Variants in BMPR1B observed in about 807,000 individuals in gnomAD.
BMPR1B encodes the protein bone morphogenetic protein receptor type 1B.
Under a neutral mutation model 59.1 loss-of-function variants are expected in BMPR1B, and 12 were observed. That is an observed-to-expected ratio of 0.20 (90% CI 0.13 to 0.33). The LOEUF (loss-of-function observed/expected upper bound fraction) is 0.33. Among genes scored for constraint, BMPR1B ranks in the 10% least tolerant of loss-of-function variants. BMPR1B has a pLI of 1.00. For missense variants in BMPR1B, 550 were observed against 610.9 expected (o/e 0.90, Z 1.05); for synonymous variants, 237 against 207.3 (o/e 1.14, Z -1.23).
chr4:94,904,779 A>C (rs1727976455), intron 2 of BMPR1B, among the ~76,000 whole-genome samples: 1 of 152,040 alleles, frequency 6.6e-6, no homozygotes, highest in South Asian at 2.1e-4. Flanking sequence ...ACTTTTTAGC[A>C]TTGGCTTGCT....
chr4:95,048,055 G>C (rs1726174737), intron 3 of BMPR1B, among the ~76,000 whole-genome samples: 1 of 152,068 alleles, frequency 6.6e-6, no homozygotes, highest in Admixed American at 6.6e-5. Flanking sequence ...TGCAATAATA[G>C]GGATACATCT....
At chr4:94,855,510 T>A (rs1397204525) in intron 1 of BMPR1B, among the ~76,000 whole-genome samples, 1 of 152,196 alleles carries the variant, frequency 6.6e-6, no homozygotes, top group Non-Finnish European at 1.5e-5. Flanking sequence ...GAAAAGCTCT[T>A]CCCATCTCTT....
chr4:95,119,714 A>T (rs1000359854), intron 6 of BMPR1B, among the ~76,000 whole-genome samples: 2 of 152,090 alleles, frequency 1.3e-5, no homozygotes, highest in Non-Finnish European at 2.9e-5. Context: ...GTGTTTTCAG[A>T]TGGAGATTAC....
At chr4:95,024,664 G>A (rs1338177033) in intron 3 of BMPR1B, among the ~76,000 whole-genome samples, 1 of 152,192 alleles carries the variant, frequency 6.6e-6, no homozygotes, top group Admixed American at 6.5e-5. Flanking sequence ...CATCCCTGGA[G>A]TGTTGATATA....
At chr4:94,915,711 G>C (rs974438973) in intron 2 of BMPR1B, among the ~76,000 whole-genome samples, 10 of 152,284 alleles carry the variant, frequency 6.6e-5, no homozygotes, top group African/African-American at 2.4e-4. Flanking sequence ...GCTTGTTTGT[G>C]TATGTGTACA....
At chr4:94,927,093 C>T (rs1267933182) in intron 2 of BMPR1B, among the ~76,000 whole-genome samples, 1 of 152,114 alleles carries the variant, frequency 6.6e-6, no homozygotes, top group East Asian at 1.9e-4. Flanking sequence ...ACAACTAGTG[C>T]AAGTCACAGG....
At chr4:94,959,459 A>T (rs1730274219) in intron 2 of BMPR1B, among the ~76,000 whole-genome samples, 1 of 152,148 alleles carries the variant, frequency 6.6e-6, no homozygotes, top group Non-Finnish European at 1.5e-5. Flanking sequence ...GGATGGACTC[A>T]TTGGTAATCC....
intron 1 of BMPR1B, among the ~76,000 whole-genome samples, chr4:94,797,343 GA>G: frequency 6.6e-6 from 1 of 152,256 alleles, no homozygotes; most frequent in East Asian, 1.9e-4. Flanking sequence ...GTGTAAGAGA[GA>G]AATATAACTT....
chr4:94,927,988 G>A (rs866959312), intron 2 of BMPR1B, among the ~76,000 whole-genome samples: 1 of 152,086 alleles, frequency 6.6e-6, no homozygotes, highest in African/African-American at 2.4e-5. Context: ...TCTCTGGAAT[G>A]TTGGTTATTT....
intron 2 of BMPR1B, among the ~76,000 whole-genome samples, chr4:94,981,951 C>G (rs1432331580): frequency 6.6e-6 from 1 of 152,172 alleles, no homozygotes; most frequent in Non-Finnish European, 1.5e-5. Flanking sequence ...CTTAAGAACA[C>G]AGAGAACACA....
At chr4:94,807,198 G>A (rs1325890383) in intron 1 of BMPR1B, among the ~76,000 whole-genome samples, 8 of 152,050 alleles carry the variant, frequency 5.3e-5, no homozygotes. Context: ...AGGCTCAAGC[G>A]ATCCTCCCAC....
chr4:95,061,513 CAT>C (rs542842255), intron 3 of BMPR1B, among the ~76,000 whole-genome samples: 36 of 152,078 alleles, frequency 2.4e-4, no homozygotes, highest in East Asian at 7.8e-4. Context: ...TGTAAACAAA[CAT>C]GTGTACAACC....
chr4:94,894,605 C>CT (rs1331134388), intron 2 of BMPR1B, among the ~76,000 whole-genome samples: 2 of 151,902 alleles, frequency 1.3e-5, no homozygotes, highest in Non-Finnish European at 2.9e-5. Flanking sequence ...TGAGAATACT[C>CT]TATTTTGCAT....
At chr4:95,024,695 C>T (rs1428090296) in intron 3 of BMPR1B, among the ~76,000 whole-genome samples, 1 of 151,972 alleles carries the variant, frequency 6.6e-6, no homozygotes, top group Non-Finnish European at 1.5e-5. Context: ...ACAATAAATA[C>T]AAAAACAAAG....
Position 95,155,380 on chromosome 4 carries a change from A to G in BMPR1B, c.*707A>G, listed in dbSNP as rs919608557. ...AGGTTTATGTGACTCTAATAGAAGT[A>G]ATTGTTGATAGGTGTTCTTCAGATC... On this transcript the variant is annotated 3_prime_UTR_variant, in exon 13 of 13. Coordinates refer to ENST00000515059, the MANE Select transcript of BMPR1B (RefSeq NM_001203.3). 1 of 150,072 alleles carries G rather than the reference A, an allele frequency of 6.7e-6. No homozygotes were observed. Among genetic ancestry groups the G allele is most frequent in the Non-Finnish European group, 1.5e-5 (1 of 67,766 alleles). The allele number at this position is 150,072 out of a possible 1,614,324, so 9.3% of individuals were successfully genotyped here.
Position 94,789,899 on chromosome 4 carries a change from A to G in BMPR1B, c.-183+31831A>G, listed in dbSNP as rs367586106. Among the ~76,000 whole-genome samples, 190 of 152,266 alleles carry G rather than the reference A, an allele frequency of 1.2e-3. 2 individuals carry two copies. In the South Asian group the frequency reaches 0.031, roughly 25 times the overall value. On this transcript the variant is annotated intron_variant, in intron 1 of 12. Transcript: ENST00000515059. ...TGCCTCTGTCACCCCTGAGACAGCA[A>G]ATAGAGGATTTGCTCCTCTACCTCC...
chr4:94,940,660 C>T (rs1026623055), intron 2 of BMPR1B, among the ~76,000 whole-genome samples: 9 of 152,222 alleles, frequency 5.9e-5, no homozygotes, highest in African/African-American at 9.6e-5. Context: ...GTTTCTTTGC[C>T]GTGTCACTAG....
At chr4:94,810,855 C>G (rs1462749771) in intron 1 of BMPR1B, among the ~76,000 whole-genome samples, 1 of 152,074 alleles carries the variant, frequency 6.6e-6, no homozygotes, top group Non-Finnish European at 1.5e-5. Context: ...ATTAGTTTGG[C>G]ATGATTCTTT....
chr4:94,903,741 T>G (rs1162783410), intron 2 of BMPR1B, among the ~76,000 whole-genome samples: 1 of 151,954 alleles, frequency 6.6e-6, no homozygotes, highest in Non-Finnish European at 1.5e-5. Flanking sequence ...TAATCCGGTA[T>G]GACTGGTGTC....
Sources: allele counts gnomAD v4.1 joint callset (sites outside exome capture counted in the v4.1 genomes callset), GRCh38; gene constraint gnomAD v4.1.1; transcripts MANE v1.5; gene names NCBI Gene and HGNC (gene_info 2026-07-23, HGNC 2026-07-21).